Variants in CAMK1D observed in about 807,000 individuals in gnomAD.
The protein encoded by CAMK1D is calcium/calmodulin dependent protein kinase ID.
A neutral mutation model predicts 47.7 loss-of-function variants in CAMK1D; 9 were observed. The observed-to-expected ratio is 0.19, with a 90% CI of 0.11 to 0.33. The LOEUF is 0.33. Ranked by LOEUF, CAMK1D falls within the 10% of genes least tolerant of loss-of-function variation. The pLI, the probability that CAMK1D is intolerant of heterozygous loss-of-function variation, is 1.00. For missense variants in CAMK1D, 291 were observed against 488.7 expected (o/e 0.60, Z 3.81); for synonymous variants, 184 against 184.9 (o/e 0.99, Z 0.04).
At chr10:12,544,329 G>A (rs1285609029) in intron 1 of CAMK1D, among the ~76,000 whole-genome samples, 1 of 151,910 alleles carries the variant, frequency 6.6e-6, no homozygotes. Flanking sequence ...TGCAATTTTT[G>A]AAACACTGGA....
intron 2 of CAMK1D, among the ~76,000 whole-genome samples, chr10:12,603,179 G>A (rs570585297): frequency 6.6e-6 from 1 of 152,092 alleles, no homozygotes; most frequent in East Asian, 1.9e-4. Context: ...GGGATTACAG[G>A]CATGAGCCAC....
intron 2 of CAMK1D, among the ~76,000 whole-genome samples, chr10:12,560,606 T>C (rs1182473321): frequency 6.6e-6 from 1 of 150,926 alleles, no homozygotes; most frequent in East Asian, 1.9e-4. Context: ...AATTCATTGA[T>C]TGGGGCTGAA....
At position 12,349,742 on chromosome 10, in the gene CAMK1D, T is replaced by A; in HGVS notation, c.-77T>A. The A allele has an allele frequency of 2.2e-6, 1 of 463,106 alleles. No homozygotes were observed. 28.7% of individuals were successfully genotyped at this position (463,106 alleles called of 1,614,324 possible). On this transcript the variant is annotated 5_prime_UTR_variant, in exon 1 of 11. Coordinates refer to ENST00000619168, the MANE Select transcript of CAMK1D (RefSeq NM_153498.4). ...CGAGCCGCCCGGCATCCCCGCCGCC[T>A]CTGCGCCCGCGCCGCGCCCCCGGCG...
At chr10:12,745,506 C>A (rs1186927521) in intron 3 of CAMK1D, among the ~76,000 whole-genome samples, 3 of 152,182 alleles carry the variant, frequency 2.0e-5, no homozygotes, top group African/African-American at 7.2e-5. Context: ...GCATCTCTAT[C>A]TAAGGTCACT....
intron 1 of CAMK1D, among the ~76,000 whole-genome samples, chr10:12,394,505 G>A (rs953671016): frequency 2.0e-5 from 3 of 152,124 alleles, no homozygotes; most frequent in Admixed American, 6.5e-5. Context: ...ATAAACTTAG[G>A]TATGCTTGAA....
At chr10:12,682,376 T>C (rs1182916023) in intron 3 of CAMK1D, among the ~76,000 whole-genome samples, 2 of 152,206 alleles carry the variant, frequency 1.3e-5, no homozygotes, top group Admixed American at 1.3e-4. Context: ...TTTTGCAGTA[T>C]CCAAATTTGG....
In CAMK1D at chr10:12,832,470, A is replaced by G. The variant is rs1033653397; in HGVS notation, c.*3583A>G. 4 of 152,184 alleles carry G rather than the reference A, an allele frequency of 2.6e-5. No individual in the cohort carries two copies. The highest frequency in any genetic ancestry group is 9.7e-5 in the African/African-American group (4 of 41,428). 9.4% of individuals were successfully genotyped at this position (152,184 alleles called of 1,614,324 possible). Reference sequence around the variant, plus strand: ...AGACGGGGTTTGCTGTGTTAGAGAAATGGCAACCCCCAGGACCATGCACGG... The same window carrying G: ...AGACGGGGTTTGCTGTGTTAGAGAAGTGGCAACCCCCAGGACCATGCACGG... On this transcript the variant is annotated 3_prime_UTR_variant, in exon 11 of 11. Transcript: ENST00000619168.
chr10:12,517,861 G>A (rs1409009851), intron 1 of CAMK1D, among the ~76,000 whole-genome samples: 1 of 151,718 alleles, frequency 6.6e-6, no homozygotes, highest in Non-Finnish European at 1.5e-5. Flanking sequence ...AACTTTTAAT[G>A]TCTTTGTCTG....
chr10:12,759,599 G>A (rs1372463637), intron 3 of CAMK1D, among the ~76,000 whole-genome samples: 1 of 152,128 alleles, frequency 6.6e-6, no homozygotes, highest in Non-Finnish European at 1.5e-5. Flanking sequence ...TCTCCCAGTC[G>A]TTTCCGTTTC....
chr10:12,814,394 T>G (rs1225787502), intron 7 of CAMK1D, 87 bp downstream of exon 7: 1 of 804,568 alleles, frequency 1.2e-6, no homozygotes, highest in Non-Finnish European at 2.1e-6. Context: ...CAGGGGACCC[T>G]GGGGGGCTCA....
intron 1 of CAMK1D, among the ~76,000 whole-genome samples, chr10:12,488,540 G>A (rs531407244): frequency 4.6e-5 from 7 of 152,078 alleles, no homozygotes; most frequent in African/African-American, 1.4e-4. Flanking sequence ...GGATGGTTTC[G>A]GGATGATTCA....
At chr10:12,739,478 A>T (rs1382630185) in intron 3 of CAMK1D, among the ~76,000 whole-genome samples, 66 of 144,264 alleles carry the variant, frequency 4.6e-4, no homozygotes, top group African/African-American at 1.6e-3. Context: ...TTCAGTAGAG[A>T]CGGTGTTTCA....
intron 1 of CAMK1D, among the ~76,000 whole-genome samples, chr10:12,458,376 C>T (rs373143689): frequency 2.0e-5 from 3 of 152,134 alleles, no homozygotes; most frequent in Non-Finnish European, 4.4e-5. Context: ...ATTGCTGATA[C>T]ATATTCCTAT....
chr10:12,377,802 G>T (rs1379914181), intron 1 of CAMK1D, among the ~76,000 whole-genome samples: 1 of 152,178 alleles, frequency 6.6e-6, no homozygotes, highest in East Asian at 1.9e-4. Flanking sequence ...GATGTGCACA[G>T]TTGCTCATTG....
At chr10:12,722,181 C>T (rs903803650) in intron 3 of CAMK1D, among the ~76,000 whole-genome samples, 1 of 152,124 alleles carries the variant, frequency 6.6e-6, no homozygotes, top group Admixed American at 6.5e-5. Context: ...CGGTGGCTCA[C>T]GCCTGTAATC....
At chr10:12,734,367 TATATATATATAGATATAGATATAG>T (rs1835050644) in intron 3 of CAMK1D, among the ~76,000 whole-genome samples, 3 of 7,012 alleles carry the variant, frequency 4.3e-4, no homozygotes, top group South Asian at 4.5e-3. Flanking sequence ...TATATATATA[TATATATATATAGATATAGATATAG>T]ATATATATAT....
intron 2 of CAMK1D, among the ~76,000 whole-genome samples, chr10:12,636,279 CTGAT>C (rs1430143054): frequency 1.3e-5 from 2 of 152,156 alleles, no homozygotes; most frequent in East Asian, 3.8e-4. Flanking sequence ...TACACATAAT[CTGAT>C]TGAATTCTCA....
intron 1 of CAMK1D, among the ~76,000 whole-genome samples, chr10:12,445,833 A>G (rs535635091): frequency 9.2e-5 from 14 of 152,256 alleles, no homozygotes; most frequent in African/African-American, 3.1e-4. Flanking sequence ...GAAGTTAACT[A>G]TGTTTTGAAA....
chr10:12,609,668 G>A (rs766593696), intron 2 of CAMK1D, among the ~76,000 whole-genome samples: 5 of 152,206 alleles, frequency 3.3e-5, no homozygotes, highest in Admixed American at 2.0e-4. Context: ...AGGCGGTGAT[G>A]CGGGTGATGG....
Sources: allele counts gnomAD v4.1 joint callset (sites outside exome capture counted in the v4.1 genomes callset), GRCh38; gene constraint gnomAD v4.1.1; transcripts MANE v1.5; gene names NCBI Gene and HGNC (gene_info 2026-07-23, HGNC 2026-07-21).